The following ESRRG variants were observed in gnomAD, a reference collection of about 807,000 sequenced individuals.
ESRRG encodes the protein estrogen-related receptor gamma.
In ESRRG, 13 loss-of-function variants were observed where a neutral mutation model predicts 44.0. The ratio of observed to expected loss-of-function variants is 0.30; its 90% CI spans 0.19 to 0.47. ESRRG has a LOEUF of 0.47. Ranked by LOEUF, ESRRG falls within the 20% of genes least tolerant of loss-of-function variation. The pLI is 1.00. For synonymous variants in ESRRG, 215 were observed against 214.6 expected, an observed-to-expected ratio of 1.00 and a Z score of -0.02; for missense variants, 395 against 580.6, an observed-to-expected ratio of 0.68 and a Z score of 3.29.
chr1:216,856,947 C>A (rs972737525), intron 2 of ESRRG, among the ~76,000 whole-genome samples: 1 of 152,116 alleles, frequency 6.6e-6, no homozygotes, highest in Admixed American at 6.6e-5. Flanking sequence ...ACAGCCGACA[C>A]CTTATTAAGG....
intron 1 of ESRRG, among the ~76,000 whole-genome samples, chr1:217,133,645 CTCTTTCTT>C (rs59600886): frequency 2.3e-4 from 21 of 91,728 alleles, no homozygotes; most frequent in African/African-American, 3.0e-4. Context: ...CTCTCTCTCT[CTCTTTCTT>C]TCTTTCTTTC....
intron 2 of ESRRG, among the ~76,000 whole-genome samples, chr1:216,765,953 T>C (rs1409481775): frequency 1.3e-5 from 2 of 152,166 alleles, no homozygotes; most frequent in African/African-American, 4.8e-5. Context: ...TTCTTGCGAC[T>C]GATGTAACTT....
At chr1:216,601,653 A>T (rs1288975153) in intron 3 of ESRRG, among the ~76,000 whole-genome samples, 1 of 152,068 alleles carries the variant, frequency 6.6e-6, no homozygotes, top group African/African-American at 2.4e-5. Context: ...CCCTTGCAAG[A>T]GCTGTTGGAC....
At chr1:216,745,504 T>G (rs2091289676) in intron 2 of ESRRG, among the ~76,000 whole-genome samples, 1 of 152,184 alleles carries the variant, frequency 6.6e-6, no homozygotes, top group Non-Finnish European at 1.5e-5. Context: ...TTTTGCTTCT[T>G]TCATTCACTT....
intron 2 of ESRRG, among the ~76,000 whole-genome samples, chr1:216,663,042 T>C (rs1279374814): frequency 1.3e-5 from 2 of 152,194 alleles, no homozygotes; most frequent in East Asian, 3.8e-4. Flanking sequence ...TCCCCCAAGT[T>C]AGGTACAGAA....
intron 5 of ESRRG, among the ~76,000 whole-genome samples, chr1:216,554,996 C>T (rs985702708): frequency 6.6e-6 from 1 of 152,198 alleles, no homozygotes; most frequent in East Asian, 1.9e-4. Context: ...TTAATTCCTC[C>T]CCAAGTGTCC....
At chr1:217,061,044 G>A (rs1007286178) in intron 1 of ESRRG, among the ~76,000 whole-genome samples, 1 of 151,648 alleles carries the variant, frequency 6.6e-6, no homozygotes, top group African/African-American at 2.4e-5. Flanking sequence ...AATCATAAGG[G>A]ATCTTATGGA....
intron 2 of ESRRG, among the ~76,000 whole-genome samples, chr1:216,892,130 T>A (rs2057883485): frequency 6.6e-6 from 1 of 152,110 alleles, no homozygotes; most frequent in Non-Finnish European, 1.5e-5. Context: ...GCAAGTAGAT[T>A]CTTTGTGAGC....
At chr1:216,932,081 G>A (rs2063434693) in intron 2 of ESRRG, among the ~76,000 whole-genome samples, 1 of 152,094 alleles carries the variant, frequency 6.6e-6, no homozygotes, top group Admixed American at 6.5e-5. Context: ...GCGTGCACCT[G>A]TAATCCGAGT....
chr1:217,069,130 G>T (rs1298035992), intron 1 of ESRRG, among the ~76,000 whole-genome samples: 1 of 152,094 alleles, frequency 6.6e-6, no homozygotes, highest in Non-Finnish European at 1.5e-5. Flanking sequence ...AATCTGTTTG[G>T]GTACCATCTA....
chr1:216,594,956 G>T (rs1378890558), intron 3 of ESRRG, among the ~76,000 whole-genome samples: 1 of 152,162 alleles, frequency 6.6e-6, no homozygotes, highest in Admixed American at 6.5e-5. Flanking sequence ...TCTAGCATCT[G>T]TCATATCACA....
intron 2 of ESRRG, among the ~76,000 whole-genome samples, chr1:216,755,359 T>C (rs1229003452): frequency 6.6e-6 from 1 of 151,980 alleles, no homozygotes; most frequent in Non-Finnish European, 1.5e-5. Flanking sequence ...AGACCAGGAC[T>C]CTAGATCTTA....
chr1:216,702,810 A>T (rs2151886884), intron 1 of ESRRG, among the ~76,000 whole-genome samples: 1 of 151,788 alleles, frequency 6.6e-6, no homozygotes, highest in East Asian at 1.9e-4. Context: ...TTCCAGGCAA[A>T]GTTGACTCAA....
chr1:217,115,834 C>A (rs573959688), intron 1 of ESRRG, among the ~76,000 whole-genome samples: 11 of 152,098 alleles, frequency 7.2e-5, no homozygotes, highest in Non-Finnish European at 1.3e-4. Context: ...CTAAGTATCT[C>A]TTCACTAGAA....
chr1:217,004,592 G>C (rs953547178), intron 1 of ESRRG, among the ~76,000 whole-genome samples: 1 of 151,968 alleles, frequency 6.6e-6, no homozygotes, highest in Non-Finnish European at 1.5e-5. Flanking sequence ...CTAATATACT[G>C]ACCAACAATG....
chr1:217,024,970 A>G (rs1475238340), intron 1 of ESRRG, among the ~76,000 whole-genome samples: 1 of 152,192 alleles, frequency 6.6e-6, no homozygotes, highest in African/African-American at 2.4e-5. Flanking sequence ...GAAGAGTTTT[A>G]GTAACATGCC....
intron 6 of ESRRG, among the ~76,000 whole-genome samples, chr1:216,517,986 T>G (rs757895539): frequency 6.6e-6 from 1 of 152,130 alleles, no homozygotes; most frequent in Non-Finnish European, 1.5e-5. Flanking sequence ...ATCAATATTG[T>G]AGATGAACTG....
intron 1 of ESRRG, among the ~76,000 whole-genome samples, chr1:216,976,349 C>T (rs2072896403): frequency 6.6e-6 from 1 of 151,392 alleles, no homozygotes; most frequent in Admixed American, 6.6e-5. Context: ...CTCCTCTTCC[C>T]TCATCCACTC....
chr1:217,017,485 A>AT (rs2079581764), intron 1 of ESRRG, among the ~76,000 whole-genome samples: 2 of 144,942 alleles, frequency 1.4e-5, no homozygotes, highest in East Asian at 2.0e-4. Context: ...ACTCAAAAAA[A>AT]AAAAAAAAAA....
Sources: gnomAD v4.1 joint callset for allele counts (sites outside exome capture counted in the v4.1 genomes callset) on GRCh38, gnomAD v4.1.1 for gene constraint, MANE v1.5 for transcripts, NCBI Gene and HGNC (gene_info 2026-07-23, HGNC 2026-07-21) for gene names.